Variants in PTPRM observed in about 807,000 individuals in gnomAD.
PTPRM encodes receptor-type tyrosine-protein phosphatase mu.
A neutral mutation model predicts 186.7 loss-of-function variants in PTPRM; 47 were observed. The ratio of observed to expected loss-of-function variants is 0.25; its 90% CI spans 0.20 to 0.32. PTPRM has a LOEUF of 0.32. Ranked by LOEUF, PTPRM falls within the 10% of genes least tolerant of loss-of-function variation. The probability of loss-of-function intolerance (pLI) is 1.00; values close to 1 mark genes in which losing one functional copy is unlikely to be tolerated. For synonymous variants in PTPRM, 668 were observed against 674.9 expected, an observed-to-expected ratio of 0.99 and a Z score of 0.16; for missense variants, 1,494 against 1,865.0, an observed-to-expected ratio of 0.80 and a Z score of 3.66.
At chr18:8,209,989 TAAAAAAAAAAAAAAA>T (rs67547673) in intron 14 of PTPRM, among the ~76,000 whole-genome samples, 6 of 78,706 alleles carry the variant, frequency 7.6e-5, no homozygotes, top group South Asian at 6.2e-4. Context: ...GAAGTAAAAT[TAAAAAAAAAAAAAAA>T]AAAAAAAAAA....
intron 22 of PTPRM, among the ~76,000 whole-genome samples, chr18:8,336,939 T>C (rs900676429): frequency 6.6e-6 from 1 of 152,008 alleles, no homozygotes; most frequent in Non-Finnish European, 1.5e-5. Context: ...ATCACGCCAC[T>C]GCACTCCAGC....
intron 13 of PTPRM, among the ~76,000 whole-genome samples, chr18:8,125,296 T>C (rs921965782): frequency 7.2e-5 from 11 of 152,110 alleles, no homozygotes; most frequent in African/African-American, 2.4e-4. Context: ...GAGAAGGAAT[T>C]TGTGGAATGC....
chr18:8,080,883 C>T (rs1200367888), intron 9 of PTPRM, among the ~76,000 whole-genome samples: 1 of 152,198 alleles, frequency 6.6e-6, no homozygotes. Context: ...TAGATTCATT[C>T]TGCCTGTGCC....
chr18:7,991,266 A>G (rs116734433), intron 7 of PTPRM, among the ~76,000 whole-genome samples: 2,471 of 152,280 alleles, frequency 0.016, 22 homozygotes, highest in South Asian at 0.033. Context: ...AGGGGATGTC[A>G]TGGTTGTTTT....
At chr18:8,067,537 T>C (rs2089178494) in intron 7 of PTPRM, among the ~76,000 whole-genome samples, 1 of 152,232 alleles carries the variant, frequency 6.6e-6, no homozygotes, top group Admixed American at 6.5e-5. Flanking sequence ...GCATGAATGA[T>C]CTTTATTAAT....
chr18:7,900,021 G>A (rs913905824), intron 3 of PTPRM, among the ~76,000 whole-genome samples: 1 of 152,174 alleles, frequency 6.6e-6, no homozygotes, highest in Non-Finnish European at 1.5e-5. Flanking sequence ...AAGGCATATT[G>A]TATTTGGCTG....
intron 14 of PTPRM, among the ~76,000 whole-genome samples, chr18:8,200,529 G>A (rs79481444): frequency 0.043 from 6,511 of 152,350 alleles, 209 homozygotes; most frequent in Middle Eastern, 0.071. Context: ...TTAGAGGGAG[G>A]AAGTTGGAGT....
At chr18:8,075,405 C>T (rs889986278) in intron 8 of PTPRM, among the ~76,000 whole-genome samples, 3 of 152,048 alleles carry the variant, frequency 2.0e-5, no homozygotes, top group African/African-American at 7.2e-5. Flanking sequence ...TGGTCATTCA[C>T]TTCATCACCA....
chr18:7,965,194 C>T (rs1015825429), intron 7 of PTPRM, among the ~76,000 whole-genome samples: 17 of 152,030 alleles, frequency 1.1e-4, no homozygotes, highest in Admixed American at 2.6e-4. Flanking sequence ...TACAGGCACG[C>T]GCCACCACGC....
intron 5 of PTPRM, among the ~76,000 whole-genome samples, chr18:7,942,108 C>A (rs2052214120): frequency 6.6e-6 from 1 of 151,892 alleles, no homozygotes; most frequent in South Asian, 2.1e-4. Context: ...TATGGTGAAA[C>A]CCTGTGTCTA....
chr18:7,581,805 G>A (rs1423386862), intron 1 of PTPRM, among the ~76,000 whole-genome samples: 1 of 151,498 alleles, frequency 6.6e-6, no homozygotes, highest in East Asian at 2.0e-4. Context: ...AGCAGCATGC[G>A]GCACTATTCC....
Position 8,379,332 on chromosome 18 carries a change from C to T in PTPRM, c.3778C>T (p.Leu1260Phe). 5 of 1,609,948 alleles carry T rather than the reference C, an allele frequency of 3.1e-6. No homozygotes were observed. Among genetic ancestry groups the T allele is most frequent in the Non-Finnish European group, 4.2e-6 (5 of 1,178,398 alleles). ...GESSNYINAALMDSYKQPSAF... is the reference protein window; with the variant it reads ...GESSNYINAAFMDSYKQPSAF... Reference sequence around the variant, plus strand: ...GAGCAGCAACTACATCAATGCTGCCCTCATGGACGTGAGTGCCCCGCTTCC... The same window carrying T: ...GAGCAGCAACTACATCAATGCTGCCTTCATGGACGTGAGTGCCCCGCTTCC... The change falls in exon 28 of 33, where the codon CTC (leucine) becomes TTC (phenylalanine). Residue 1260 changes from leucine to phenylalanine, a missense_variant. Coordinates refer to ENST00000580170, the MANE Select transcript of PTPRM (RefSeq NM_001105244.2).
At chr18:7,732,530 G>T (rs1305943425) in intron 1 of PTPRM, among the ~76,000 whole-genome samples, 2 of 151,944 alleles carry the variant, frequency 1.3e-5, no homozygotes, top group Admixed American at 6.6e-5. Context: ...TAGAGACAGG[G>T]TCTTGCTCTG....
intron 1 of PTPRM, among the ~76,000 whole-genome samples, chr18:7,602,370 G>A (rs190168842): frequency 6.6e-6 from 1 of 152,120 alleles, no homozygotes; most frequent in Admixed American, 6.5e-5. Flanking sequence ...GGGTTTGGTT[G>A]GATTCAGTTG....
intron 10 of PTPRM, among the ~76,000 whole-genome samples, chr18:8,086,145 C>T (rs1411209365): frequency 2.6e-5 from 4 of 152,176 alleles, no homozygotes; most frequent in Non-Finnish European, 5.9e-5. Flanking sequence ...TGTTGAGACA[C>T]TCTCATCCCC....
At chr18:8,314,254 G>A (rs1318027690) in intron 20 of PTPRM, among the ~76,000 whole-genome samples, 2 of 152,146 alleles carry the variant, frequency 1.3e-5, no homozygotes, top group Non-Finnish European at 2.9e-5. Flanking sequence ...CTGGCCTGTG[G>A]TCACATGATG....
At chr18:8,303,804 G>T (rs549462763) in intron 20 of PTPRM, among the ~76,000 whole-genome samples, 1 of 152,078 alleles carries the variant, frequency 6.6e-6, no homozygotes, top group East Asian at 1.9e-4. Context: ...GCTGGGAACC[G>T]GGTGGAAACA....
At chr18:7,704,565 T>A (rs567304146) in intron 1 of PTPRM, among the ~76,000 whole-genome samples, 3 of 152,274 alleles carry the variant, frequency 2.0e-5, no homozygotes, top group African/African-American at 7.2e-5. Context: ...TTCTTTCTTC[T>A]TTATTAGTCT....
At chr18:7,698,056 A>AG (rs2039882379) in intron 1 of PTPRM, among the ~76,000 whole-genome samples, 1 of 152,210 alleles carries the variant, frequency 6.6e-6, no homozygotes, top group African/African-American at 2.4e-5. Flanking sequence ...GCAAGAACAG[A>AG]GGGGACACTG....
Sources: allele counts gnomAD v4.1 joint callset (sites outside exome capture counted in the v4.1 genomes callset), GRCh38; gene constraint gnomAD v4.1.1; transcripts MANE v1.5; gene names NCBI Gene and HGNC (gene_info 2026-07-23, HGNC 2026-07-21).